Variants in GGA3 observed in about 807,000 individuals in gnomAD.
GGA3 encodes golgi associated, gamma adaptin ear containing, ARF binding protein 3.
A neutral mutation model predicts 77.5 loss-of-function variants in GGA3; 57 were observed. That is an observed-to-expected ratio of 0.74 (90% confidence interval 0.59 to 0.92). The LOEUF (loss-of-function observed/expected upper bound fraction) is 0.92. Among genes scored for constraint, GGA3 ranks in the 40% least tolerant of loss-of-function variants. The pLI, the probability that GGA3 is intolerant of heterozygous loss-of-function variation, is 0.00. For missense variants in GGA3, 970 were observed against 914.9 expected, an observed-to-expected ratio of 1.06 and a Z score of -0.78; for synonymous variants, 416 against 383.7, an observed-to-expected ratio of 1.08 and a Z score of -0.98.
chr17:75,260,134 G>A (rs1036557643), intron 1 of GGA3, among the ~76,000 whole-genome samples: 2 of 152,164 alleles, frequency 1.3e-5, no homozygotes, highest in Admixed American at 6.5e-5. Flanking sequence ...AGACAACAGC[G>A]CGCGAGACTC....
chr17:75,245,525 GT>G (rs142783790), intron 3 of GGA3, among the ~76,000 whole-genome samples: 6 of 149,156 alleles, frequency 4.0e-5, no homozygotes, highest in East Asian at 2.0e-4. Context: ...GTTTTGTTAC[GT>G]TTTTTTTTTG....
chr17:75,242,304 C>T (rs377256047), intron 8 of GGA3, 32 bp downstream of exon 8: 27 of 1,613,168 alleles, frequency 1.7e-5, no homozygotes, highest in African/African-American at 8.0e-5. Context: ...AGCGCAGCCC[C>T]GGGAGGCAGC....
At chr17:75,257,777 C>A (rs528893188) in intron 1 of GGA3, among the ~76,000 whole-genome samples, 6 of 152,232 alleles carry the variant, frequency 3.9e-5, no homozygotes, top group African/African-American at 1.4e-4. Context: ...CTCCATACCA[C>A]CCCACAAAAA....
At chr17:75,261,973 C>T (rs1374116167), upstream of GGA3, 5 of 1,601,786 alleles carry the variant, frequency 3.1e-6, no homozygotes, top group Non-Finnish European at 4.2e-6. Flanking sequence ...GGCTGTCTTG[C>T]AGCTTCCAGG....
chr17:75,237,251 C>T lies in GGA3; in HGVS notation c.*1028G>A. On this transcript the variant is annotated 3_prime_UTR_variant, in exon 17 of 17. Coordinates refer to ENST00000537686, the MANE Select transcript of GGA3 (RefSeq NM_138619.4). ...CAGACCCAACATCTCGCTGACAGTG[C>T]CCCTCAGTAGCTGGGGAACAGTTGA... 1 of 601,076 alleles carries T rather than the reference C, an allele frequency of 1.7e-6. No individual in the cohort carries two copies. The highest frequency in any genetic ancestry group is 3.0e-6 in the Non-Finnish European group (1 of 336,590). 37.2% of individuals were successfully genotyped at this position (601,076 alleles called of 1,614,324 possible).
chr17:75,240,775 G>C (rs2076521515), intron 11 of GGA3, 37 bp downstream of exon 11: 1 of 1,575,922 alleles, frequency 6.3e-7, no homozygotes, highest in African/African-American at 1.4e-5. Context: ...CCAGAGCCCT[G>C]TCAGGGGATG....
At chr17:75,241,092 A>C (rs1256056863) in intron 10 of GGA3, 35 bp from the exon 11 acceptor site, 1 of 1,613,342 alleles carries the variant, frequency 6.2e-7, no homozygotes, top group East Asian at 2.2e-5. Context: ...AGGAATAATT[A>C]GGGGTCTTCT....
intron 1 of GGA3, among the ~76,000 whole-genome samples, chr17:75,248,635 A>C (rs1444977140): frequency 1.3e-5 from 2 of 151,426 alleles, no homozygotes; most frequent in African/African-American, 4.9e-5. Context: ...AAAAATACAG[A>C]ATTAGCTGGG....
At position 75,237,518 on chromosome 17, in the gene GGA3, GCTGA is replaced by G; in HGVS notation, c.*757_*760del. ...GCTGGAGGCACGCTTTTCCCAGAAA[GCTGA>G]GTACCTGCTTCTGGAGAAGGGGAAA... On this transcript the variant is annotated 3_prime_UTR_variant, in exon 17 of 17. Coordinates refer to ENST00000537686, the MANE Select transcript of GGA3 (RefSeq NM_138619.4). 1 of 1,535,774 alleles carries G rather than the reference GCTGA, an allele frequency of 6.5e-7. No homozygotes were observed.
intron 1 of GGA3, among the ~76,000 whole-genome samples, chr17:75,255,431 GTCC>G (rs1210844698): frequency 1.3e-5 from 2 of 151,740 alleles, no homozygotes; most frequent in African/African-American, 2.4e-5. Flanking sequence ...CCTCCTTTGC[GTCC>G]TCCTCTTGTA....
rs146088473 is a variant in GGA3, at chr17:75,260,706, G to A, written c.40+842C>T. ...TCTCTCCACTTAAAGGAGGCTTCCA[G>A]GTCTAGCCTACAGGAAAGTTCACTT... On this transcript the variant is annotated intron_variant, in intron 1 of 16. Coordinates refer to ENST00000537686, the MANE Select transcript of GGA3 (RefSeq NM_138619.4). 6.3e-4 allele frequency among the ~76,000 whole-genome samples: 96 copies of A among 152,322 alleles called. 3 individuals carry two copies. Among genetic ancestry groups the A allele is most frequent in the African/African-American group, 2.2e-3 (91 of 41,570 alleles).
At chr17:75,250,815 C>T (rs1194961540) in intron 1 of GGA3, among the ~76,000 whole-genome samples, 2 of 146,244 alleles carry the variant, frequency 1.4e-5, no homozygotes, top group Non-Finnish European at 3.0e-5. Flanking sequence ...CGGTGGCTCA[C>T]GCCTGTAATC....
chr17:75,254,820 C>G (rs1232693503), intron 1 of GGA3, among the ~76,000 whole-genome samples: 2 of 152,202 alleles, frequency 1.3e-5, no homozygotes, highest in Admixed American at 6.5e-5. Flanking sequence ...AGGCATTCCT[C>G]CATAACTGCC....
intron 7 of GGA3, 32 bp downstream of exon 7, chr17:75,242,799 A>AC: frequency 6.5e-7 from 1 of 1,548,546 alleles, no homozygotes. Context: ...GGGCTCCTCC[A>AC]CCCCGTGCCT....
chr17:75,252,905 C>G (rs1472606015), intron 1 of GGA3, among the ~76,000 whole-genome samples: 1 of 152,190 alleles, frequency 6.6e-6, no homozygotes, highest in African/African-American at 2.4e-5. Flanking sequence ...CACCGCCTAT[C>G]CCAAAACCTA....
rs200542166 is a variant in GGA3, at chr17:75,244,673, G to A, written c.246C>T (p.Asn82=). 480 of 1,613,756 alleles carry A rather than the reference G, an allele frequency of 3.0e-4. No homozygotes were observed. Among genetic ancestry groups the A allele is most frequent in the Non-Finnish European group, 3.9e-4 (466 of 1,179,762 alleles). Reference sequence around the variant, plus strand: ...TCAAAAAGCGGAACTTCCCCACTTCGTTATGAAATCTCCTCCCACAGTTCT... The same window carrying A: ...TCAAAAAGCGGAACTTCCCCACTTCATTATGAAATCTCCTCCCACAGTTCT... ...CMKNCGRRFH[N]EVGKFRFLNE... Residue 82 remains asparagine, a synonymous_variant, in exon 4 of 17, where the codon AAC becomes AAT. Coordinates refer to ENST00000537686, the MANE Select transcript of GGA3 (RefSeq NM_138619.4).
intron 1 of GGA3, among the ~76,000 whole-genome samples, chr17:75,256,339 T>C (rs2077150776): frequency 1.3e-5 from 2 of 152,152 alleles, no homozygotes; most frequent in African/African-American, 4.8e-5. Context: ...ATGCATATAC[T>C]TTCTGCTCCC....
chr17:75,256,670 C>T (rs2077161930), intron 1 of GGA3, among the ~76,000 whole-genome samples: 1 of 152,142 alleles, frequency 6.6e-6, no homozygotes, highest in Non-Finnish European at 1.5e-5. Flanking sequence ...AATCTATCCT[C>T]AAGGAAATAA....
chr17:75,255,623 T>C (rs76546201), intron 1 of GGA3, among the ~76,000 whole-genome samples: 1 of 152,242 alleles, frequency 6.6e-6, no homozygotes, highest in Non-Finnish European at 1.5e-5. Context: ...TGCTACAGCA[T>C]GGCCTTTTAA....
Sources: gnomAD v4.1 joint callset for allele counts (sites outside exome capture counted in the v4.1 genomes callset) on GRCh38, gnomAD v4.1.1 for gene constraint, MANE v1.5 for transcripts, NCBI Gene and HGNC (gene_info 2026-07-23, HGNC 2026-07-21) for gene names.